Variants in FAT2 observed in about 807,000 individuals in gnomAD.
FAT2 encodes the protein protocadherin Fat 2.
In FAT2, 150 loss-of-function variants were observed where a neutral mutation model predicts 295.3. The observed-to-expected ratio is 0.51, with a 90% CI of 0.44 to 0.58. The LOEUF (loss-of-function observed/expected upper bound fraction) is 0.58. Among genes scored for constraint, FAT2 ranks in the 20% least tolerant of loss-of-function variants. FAT2 has a pLI of 0.00. For missense variants in FAT2, 4,868 were observed against 5,442.7 expected (o/e 0.89, Z 3.32); for synonymous variants, 2,026 against 2,150.3 (o/e 0.94, Z 1.60).
intron 14 of FAT2, among the ~76,000 whole-genome samples, chr5:151,530,788 G>C (rs1754506095): frequency 6.6e-6 from 1 of 152,246 alleles, no homozygotes; most frequent in Non-Finnish European, 1.5e-5. Flanking sequence ...TTGGATGGAT[G>C]TAGGGGCCAA....
chr5:151,589,931 TAACA>T (rs1473691685), intron 1 of FAT2, among the ~76,000 whole-genome samples: 1 of 152,050 alleles, frequency 6.6e-6, no homozygotes, highest in East Asian at 1.9e-4. Flanking sequence ...GAGAGGATCT[TAACA>T]AACATCCAAC....
chr5:151,514,593 CT>C (rs1347190685), intron 20 of FAT2, among the ~76,000 whole-genome samples: 1 of 152,240 alleles, frequency 6.6e-6, no homozygotes, highest in Non-Finnish European at 1.5e-5. Context: ...TCAAATGAGC[CT>C]TTAATGCTGC....
chr5:151,516,338 C>T (rs147034726), intron 20 of FAT2, among the ~76,000 whole-genome samples: 58 of 152,168 alleles, frequency 3.8e-4, no homozygotes, highest in African/African-American at 1.3e-3. Flanking sequence ...GGTGAAACCT[C>T]GTCTCTGCTA....
Position 151,527,215 on chromosome 5 carries a change from C to T in FAT2, c.10308+19G>A. 6.3e-7 allele frequency: 1 copy of T among 1,586,776 alleles called. No individual in the cohort carries two copies. Among genetic ancestry groups the T allele is most frequent in the Non-Finnish European group, 8.6e-7 (1 of 1,163,982 alleles). The stretch of plus-strand genomic sequence containing the variant: ...TGAAGGGAGGAAGGGCTCAGGGTGC[C>T]TTGGAGGCTCAAGCTTACCTGGACA... On this transcript the variant is annotated intron_variant, in intron 17 of 23. Transcript: ENST00000261800.
rs766324045 is a variant in FAT2 at position 151,543,370 on chromosome 5, T to C, written c.7757A>G (p.Lys2586Arg). The C allele has an allele frequency of 2.4e-5, 39 of 1,614,044 alleles. No individual in the cohort carries two copies. The highest frequency in any genetic ancestry group is 3.1e-5 in the Non-Finnish European group (37 of 1,180,038). The change falls in exon 10 of 24, where the codon AAA becomes AGA. Residue 2586 changes from lysine (K) to arginine (R), a missense_variant. Transcript: ENST00000261800. ...AATGGATACTGTGTACTCAGATGCT[T>C]TGAACTGTGGGGGGTTGTCATTTTC... Reference protein sequence around the residue: ...TDENDNPPQFKASEYTVSIQS... With the variant: ...TDENDNPPQFRASEYTVSIQS...
intron 19 of FAT2, among the ~76,000 whole-genome samples, chr5:151,520,011 C>G (rs914062141): frequency 6.6e-6 from 1 of 152,212 alleles, no homozygotes; most frequent in Non-Finnish European, 1.5e-5. Context: ...CTGAGAGAGA[C>G]CCTTCAGCCT....
rs533372336 is a variant in FAT2, at chr5:151,534,152, C to T, written c.9427+257G>A. ...TGGTTAAATGGCAGTATTGAAAAGT[C>T]CCCAGGTCTAAGTGGAAGGGGAGAA... On this transcript the variant is annotated intron_variant, in intron 13 of 23. Transcript: ENST00000261800. Among the ~76,000 whole-genome samples the T allele has an allele frequency of 7.2e-5, 11 of 152,242 alleles. No homozygotes were observed. In the South Asian group the frequency reaches 2.1e-3, roughly 29 times the overall value.
chr5:151,546,260 G>T lies in FAT2; in HGVS notation c.4867C>A (p.His1623Asn). The T allele has an allele frequency of 6.2e-7, 1 of 1,614,152 alleles. No individual in the cohort carries two copies. Among genetic ancestry groups the T allele is most frequent in the South Asian group, 1.1e-5 (1 of 91,076 alleles). ...TTCACTGTCAGAGTATGTGGGGCAT[G>T]ATTTGCCTGATCAAGCTTTTGAGCT... is the stretch of plus-strand genomic sequence containing the variant. ...TLAQKLDQAN[H>N]APHTLTVKAE... The change falls in exon 10 of 24, where the codon CAT (histidine) becomes AAT (asparagine). Residue 1623 changes from histidine (H) to asparagine (N), a missense_variant. His to Asn is a moderately conservative substitution (Grantham distance 68). Around this residue, in one of 5 missense-constraint regions of FAT2, gnomAD observed 3,297 missense variants for 3,669.4 expected, o/e 0.90. Transcript: ENST00000261800.
At chr5:151,582,751 T>C (rs1468513210) in intron 1 of FAT2, among the ~76,000 whole-genome samples, 4 of 152,192 alleles carry the variant, frequency 2.6e-5, no homozygotes, top group African/African-American at 7.2e-5. Context: ...CAAACGTCAC[T>C]GTGTTAAAAA....
Position 151,512,267 on chromosome 5 carries a change from A to C in FAT2, c.11803T>G (p.Leu3935Val), listed in dbSNP as rs1761383217. ...LLAPGKTVAG[L>V]LETQALTQCC... Reference sequence around the variant, plus strand: ...TGGGTGAGGGCTTGTGTCTCCAGCAAGCCTGCCACCGTCTTGCCAGGGGCC... The same window carrying C: ...TGGGTGAGGGCTTGTGTCTCCAGCACGCCTGCCACCGTCTTGCCAGGGGCC... The change falls in exon 21 of 24, where the codon TTG becomes GTG. Residue 3935 changes from leucine to valine, a missense_variant. Physicochemically the swap from Leu to Val is conservative, Grantham distance 32. Coordinates refer to ENST00000261800, the MANE Select transcript of FAT2 (RefSeq NM_001447.3). The surrounding 1 kb of genome is among the most constrained non-coding windows in gnomAD (Gnocchi z 4.1). 2 of 1,614,106 alleles carry C rather than the reference A, an allele frequency of 1.2e-6. No individual in the cohort carries two copies. Among genetic ancestry groups the C allele is most frequent in the Non-Finnish European group, 1.7e-6 (2 of 1,180,044 alleles).
intron 23 of FAT2, among the ~76,000 whole-genome samples, chr5:151,506,435 C>T (rs986038308): frequency 6.6e-6 from 1 of 152,088 alleles, no homozygotes; most frequent in Admixed American, 6.5e-5. Flanking sequence ...TGAGTTTCAT[C>T]CCCTTAACTG....
Position 151,543,844 on chromosome 5 carries a change from A to G in FAT2, c.7283T>C (p.Phe2428Ser), listed in dbSNP as rs6892335. 0.99 allele frequency: 1,606,002 copies of G among 1,614,192 alleles called. 798,927 individuals are homozygous for G. Among genetic ancestry groups the G allele is most frequent in the East Asian group, 1 (44,880 of 44,880 alleles). Reference protein sequence around the residue: ...ILSGNQDRHFFINSSSGIISM... With the variant: ...ILSGNQDRHFSINSSSGIISM... Reference sequence around the variant, plus strand: ...AATTATTCCCGATGAGCTGTTAATGAAGAAGTGCCTGTCCTGATTGCCAGA... The same window carrying G: ...AATTATTCCCGATGAGCTGTTAATGGAGAAGTGCCTGTCCTGATTGCCAGA... The change falls in exon 10 of 24, where the codon TTC becomes TCC. Residue 2428 changes from phenylalanine (F) to serine (S), a missense_variant. Transcript: ENST00000261800.
chr5:151,589,650 C>T (rs1376975137), intron 1 of FAT2, among the ~76,000 whole-genome samples: 4 of 152,014 alleles, frequency 2.6e-5, no homozygotes, highest in Non-Finnish European at 5.9e-5. Context: ...AACCCCAGCA[C>T]TTTAGGGGGC....
intron 8 of FAT2, 30 bp from the exon 9 acceptor site, chr5:151,549,535 G>A (rs1343777230): frequency 1.9e-6 from 3 of 1,600,716 alleles, no homozygotes; most frequent in East Asian, 4.5e-5. Context: ...AATTGGGTAA[G>A]CAGCAAATGG....
chr5:151,584,690 C>T (rs565433269), intron 1 of FAT2, among the ~76,000 whole-genome samples: 19 of 152,314 alleles, frequency 1.2e-4, no homozygotes, highest in African/African-American at 4.3e-4. Context: ...AGGTACTATC[C>T]TTTCATCTAT....
intron 13 of FAT2, among the ~76,000 whole-genome samples, chr5:151,532,196 C>T (rs1381737122): frequency 1.3e-5 from 2 of 152,196 alleles, no homozygotes; most frequent in African/African-American, 4.8e-5. Flanking sequence ...ATCTGCAAAT[C>T]TATCAAACTA....
intron 15 of FAT2, 113 bp downstream of exon 15, chr5:151,529,065 A>G: frequency 1.2e-6 from 1 of 856,894 alleles, no homozygotes; most frequent in Non-Finnish European, 1.9e-6. Flanking sequence ...TCAAGTCTAC[A>G]GTGTATTAAC....
intron 22 of FAT2, 167 bp downstream of exon 22, chr5:151,509,854 C>T (rs1448307275): frequency 1.1e-5 from 8 of 716,794 alleles, no homozygotes; most frequent in Admixed American, 4.8e-5. Context: ...AAACCGGTCC[C>T]TGGTGCCAAA....
At chr5:151,584,920 A>G (rs562551819) in intron 1 of FAT2, among the ~76,000 whole-genome samples, 1 of 152,222 alleles carries the variant, frequency 6.6e-6, no homozygotes, top group Admixed American at 6.5e-5. Context: ...CTTCACCCTC[A>G]CACTCCTCCA....
Sources: gnomAD v4.1 joint callset for allele counts (sites outside exome capture counted in the v4.1 genomes callset) on GRCh38, gnomAD v4.1.1 for gene constraint, gnomAD v4.1.1 regional missense constraint, Gnocchi (gnomAD v3.1) non-coding constraint, MANE v1.5 for transcripts, NCBI Gene and HGNC (gene_info 2026-07-23, HGNC 2026-07-21) for gene names.